Variants in LIG1 observed in about 807,000 individuals in gnomAD.
LIG1 encodes DNA ligase 1.
In LIG1, 70 loss-of-function variants were observed where a neutral mutation model predicts 115.7. The observed-to-expected ratio is 0.60, with a 90% CI of 0.50 to 0.74. The LOEUF (loss-of-function observed/expected upper bound fraction) is 0.74, where lower values mean the gene tolerates loss of function less well. Among genes scored for constraint, LIG1 ranks in the 30% least tolerant of loss-of-function variants. LIG1 has a pLI of 0.00. For missense variants in LIG1, 1,115 were observed against 1,225.6 expected (o/e 0.91, Z 1.35); for synonymous variants, 487 against 495.3 (o/e 0.98, Z 0.22).
chr19:48,158,152 G>A (rs927952634), intron 4 of LIG1, among the ~76,000 whole-genome samples: 1 of 152,236 alleles, frequency 6.6e-6, no homozygotes, highest in Non-Finnish European at 1.5e-5. Flanking sequence ...TGTATAGCCT[G>A]CAGGACCGTG....
At chr19:48,128,734 C>A (rs2122496760) in intron 19 of LIG1, among the ~76,000 whole-genome samples, 1 of 152,322 alleles carries the variant, frequency 6.6e-6, no homozygotes, top group Non-Finnish European at 1.5e-5. Flanking sequence ...ATCCTGGAGC[C>A]AGGTAGCTTC....
intron 18 of LIG1, among the ~76,000 whole-genome samples, 168 bp downstream of exon 18, chr19:48,132,814 A>AAAAAAAAAAAC (rs1363377627): frequency 6.7e-6 from 1 of 149,906 alleles, no homozygotes; most frequent in Non-Finnish European, 1.5e-5. Flanking sequence ...AAAAAAAAAA[A>AAAAAAAAAAAC]AAAGAACACA....
chr19:48,169,224 G>T (rs184341496), intron 1 of LIG1, among the ~76,000 whole-genome samples: 4 of 152,124 alleles, frequency 2.6e-5, no homozygotes, highest in East Asian at 3.8e-4. Context: ...ATGTGGAGAG[G>T]GAACTGTTCT....
chr19:48,135,295 G>T (rs1319174957), intron 16 of LIG1, among the ~76,000 whole-genome samples: 1 of 152,080 alleles, frequency 6.6e-6, no homozygotes, highest in African/African-American at 2.4e-5. Context: ...GCTAATTTTT[G>T]TATTTTTAGT....
Position 48,150,229 on chromosome 19 carries a change from G to A in LIG1, c.575-19C>T, listed in dbSNP as rs777998578. 6 of 1,613,928 alleles carry A rather than the reference G, an allele frequency of 3.7e-6. No homozygotes were observed. The South Asian group carries it at 4.4e-5, about 12-fold the overall frequency. On this transcript the variant is annotated intron_variant, in intron 7 of 27. Coordinates refer to ENST00000263274, the MANE Select transcript of LIG1 (RefSeq NM_000234.3). ...TCTGCTTCTGCGGTGAGAGAGCTCA[G>A]ACGGTGATGCAAACTCTTTGACCCT... is the stretch of plus-strand genomic sequence containing the variant.
chr19:48,125,765 AGATC>A (rs2033623468), intron 21 of LIG1, among the ~76,000 whole-genome samples: 1 of 151,984 alleles, frequency 6.6e-6, no homozygotes, highest in South Asian at 2.1e-4. Context: ...TGAGGTGGGC[AGATC>A]ACGATGTCAG....
intron 9 of LIG1, among the ~76,000 whole-genome samples, chr19:48,145,645 G>A (rs529357016): frequency 1.1e-4 from 17 of 152,242 alleles, no homozygotes; most frequent in African/African-American, 4.1e-4. Context: ...GCGGTGGCCG[G>A]CATTACAATG....
intron 17 of LIG1, 48 bp from the exon 18 acceptor site, chr19:48,133,145 A>G: frequency 8.2e-7 from 1 of 1,219,614 alleles, no homozygotes; most frequent in Non-Finnish European, 1.2e-6. Context: ...GCAATGGATT[A>G]GAGGGGGAAC....
At chr19:48,168,212 A>G (rs1218765226) in intron 1 of LIG1, among the ~76,000 whole-genome samples, 1 of 152,166 alleles carries the variant, frequency 6.6e-6, no homozygotes, top group Admixed American at 6.5e-5. Flanking sequence ...AGAAATACAT[A>G]AGCGTTTACT....
At position 48,170,237 on chromosome 19, in the gene LIG1, T is replaced by C; in HGVS notation, c.-58+4A>G. The C allele has an allele frequency of 2.2e-6, 1 of 455,290 alleles. No homozygotes were observed. The highest frequency in any genetic ancestry group is 1.6e-5 in the South Asian group (1 of 64,508). 28.2% of individuals were successfully genotyped at this position (455,290 alleles called of 1,614,324 possible). ...CCCATCTGCTTGCGGACGGCCCCAC[T>C]TGCCTTGCGTTGGTCCCGCGCGCCG... On this transcript the variant is annotated splice_donor_region_variant and intron_variant, in intron 1 of 27. Coordinates refer to ENST00000263274, the MANE Select transcript of LIG1 (RefSeq NM_000234.3).
chr19:48,139,951 C>T lies in LIG1; in HGVS notation c.1087+20G>A, dbSNP rs2034633507. ...CTGAGCTCCTGTCCTTCTGGTCCCTCCAACCACAGTCCCCCTTACCTGTGG... is the reference window on the plus strand; with the variant it reads ...CTGAGCTCCTGTCCTTCTGGTCCCTTCAACCACAGTCCCCCTTACCTGTGG... On this transcript the variant is annotated intron_variant, in intron 12 of 27. Transcript: ENST00000263274. The T allele has an allele frequency of 1.2e-6, 2 of 1,613,802 alleles. No homozygotes were observed. The highest frequency in any genetic ancestry group is 1.7e-6 in the Non-Finnish European group (2 of 1,179,912).
chr19:48,162,374 A>T, intron 2 of LIG1, 23 bp from the exon 3 acceptor site: 1 of 1,552,854 alleles, frequency 6.4e-7, no homozygotes, highest in Non-Finnish European at 8.9e-7. Flanking sequence ...AAAAGGGGGT[A>T]AAAAAAGGAG....
rs778670338 is a variant in LIG1 at position 48,137,488 on chromosome 19, C to T, written c.1254+34G>A. On this transcript the variant is annotated intron_variant, in intron 13 of 27. Coordinates refer to ENST00000263274, the MANE Select transcript of LIG1 (RefSeq NM_000234.3). The surrounding 1 kb of genome is among the most constrained non-coding windows in gnomAD (Gnocchi z 4.3). ...GCGTGGCCTCAGGTCCCCAAGATGT[C>T]TGGGGTCCGGGATGAGCGGCCCGCC... 12 of 1,607,418 alleles carry T rather than the reference C, an allele frequency of 7.5e-6. 1 individual carries two copies. The South Asian group carries it at 1.1e-4, about 15-fold the overall frequency.
At chr19:48,139,428 TC>T (rs1462079065) in intron 12 of LIG1, among the ~76,000 whole-genome samples, 5 of 151,948 alleles carry the variant, frequency 3.3e-5, no homozygotes, top group Non-Finnish European at 7.4e-5. Flanking sequence ...CAGCTCCTCT[TC>T]CCCCTGGATG....
In LIG1 at chr19:48,135,763, C is replaced by T. The variant is rs368895531; in HGVS notation, c.1440G>A (p.Met480Ile). Residue 480 changes from methionine (M) to isoleucine (I), a missense_variant, in exon 16 of 28, where the codon ATG (methionine) becomes ATA (isoleucine). Coordinates refer to ENST00000263274, the MANE Select transcript of LIG1 (RefSeq NM_000234.3). ...TPPGQEFPPA[M>I]VDAGKGKTAE... ...CTGTCTTGCCCTTCCCAGCATCCAC[C>T]ATGGCTGGTGGGAATTCTAAGAAAA... 9.3e-6 allele frequency: 15 copies of T among 1,613,988 alleles called. No individual in the cohort carries two copies. Among genetic ancestry groups the T allele is most frequent in the Non-Finnish European group, 1.2e-5 (14 of 1,179,940 alleles).
intron 2 of LIG1, among the ~76,000 whole-genome samples, chr19:48,164,278 C>T (rs1240309604): frequency 6.6e-6 from 1 of 152,178 alleles, no homozygotes. Flanking sequence ...GAGAGACAAT[C>T]CCCAGATTCC....
intron 21 of LIG1, 66 bp from the exon 22 acceptor site, chr19:48,123,384 A>C: frequency 6.4e-7 from 1 of 1,567,580 alleles, no homozygotes; most frequent in South Asian, 1.1e-5. Flanking sequence ...TAAGCCCTAA[A>C]TGTGAGGCGA....
At chr19:48,150,537 C>T (rs776518469) in intron 7 of LIG1, among the ~76,000 whole-genome samples, 15 of 152,144 alleles carry the variant, frequency 9.9e-5, no homozygotes, top group Non-Finnish European at 2.1e-4. Context: ...AAAATTCTCC[C>T]GGCAAGTGTT....
chr19:48,133,068 G>C lies in LIG1; in HGVS notation c.1639C>G (p.Pro547Ala). The C allele has an allele frequency of 6.2e-7, 1 of 1,614,068 alleles. No homozygotes were observed. Among genetic ancestry groups the C allele is most frequent in the Non-Finnish European group, 8.5e-7 (1 of 1,179,918 alleles). ...AGGACCTCGCTGATGCCCCGGGTGG[G>C]ATGGGCCAACATTGGTTTCAGGGGA... ...GIPLKPMLAH[P>A]TRGISEVLKR... Residue 547 changes from proline to alanine, a missense_variant, in exon 18 of 28, where the codon CCC becomes GCC. Transcript: ENST00000263274.
Sources: gnomAD v4.1 joint callset for allele counts (sites outside exome capture counted in the v4.1 genomes callset) on GRCh38, gnomAD v4.1.1 for gene constraint, Gnocchi (gnomAD v3.1) non-coding constraint, MANE v1.5 for transcripts, NCBI Gene and HGNC (gene_info 2026-07-23, HGNC 2026-07-21) for gene names.